TAF2: variants seen among roughly 807,000 people sequenced by gnomAD.
TAF2 encodes the protein TATA-box binding protein associated factor 2, also known as transcription initiation factor TFIID subunit 2.
A neutral mutation model predicts 138.5 loss-of-function variants in TAF2; 61 were observed. The ratio of observed to expected loss-of-function variants is 0.44; its 90% CI spans 0.36 to 0.54. The LOEUF (loss-of-function observed/expected upper bound fraction) is 0.54. Ranked by LOEUF, TAF2 falls within the 20% of genes least tolerant of loss-of-function variation. The pLI is 0.00. For synonymous variants in TAF2, 475 were observed against 469.9 expected (o/e 1.01, Z -0.14); for missense variants, 1,090 against 1,427.9 (o/e 0.76, Z 3.81).
Position 119,744,525 on chromosome 8 carries a change from T to C in TAF2, c.3109-132A>G, listed in dbSNP as rs1819821396. ...CATATAATCTTAAAATAAAAAGTAG[T>C]TTCTTTCTTCAAAGATATTAAGAGA... On this transcript the variant is annotated intron_variant, in intron 23 of 25. Transcript: ENST00000378164. 8 of 771,564 alleles carry C rather than the reference T, an allele frequency of 1.0e-5. No individual in the cohort carries two copies. In the South Asian group the frequency reaches 1.2e-4, roughly 12 times the overall value. The allele number at this position is 771,564 out of a possible 1,614,324, so 47.8% of individuals were successfully genotyped here.
At chr8:119,788,250 A>T in intron 14 of TAF2, 88 bp downstream of exon 14, 2 of 1,126,908 alleles carry the variant, frequency 1.8e-6, no homozygotes, top group Non-Finnish European at 2.7e-6. Context: ...AAAAAAAATT[A>T]GGTATACAAG....
At chr8:119,737,664 A>G (rs1425117380) in intron 25 of TAF2, among the ~76,000 whole-genome samples, 1 of 151,902 alleles carries the variant, frequency 6.6e-6, no homozygotes, top group East Asian at 1.9e-4. Flanking sequence ...GCGTACCACC[A>G]TGCCCAGCTA....
intron 20 of TAF2, chr8:119,760,345 G>A (rs1018743276): frequency 3.1e-5 from 11 of 353,686 alleles, no homozygotes; most frequent in African/African-American, 1.7e-4. Flanking sequence ...CTAAAATAAC[G>A]TCCAATTAAA....
At chr8:119,744,503 A>T (rs1819819705) in intron 23 of TAF2, 110 bp from the exon 24 acceptor site, 2 of 854,240 alleles carry the variant, frequency 2.3e-6, no homozygotes, top group Admixed American at 3.8e-5. Context: ...ATACCCCCAT[A>T]TAATCTTAAA....
intron 17 of TAF2, among the ~76,000 whole-genome samples, chr8:119,779,184 C>T (rs1822469054): frequency 6.6e-6 from 1 of 151,632 alleles, no homozygotes. Flanking sequence ...GGTATAAAAG[C>T]ACTGACTTTC....
At chr8:119,756,683 G>A (rs1247827591) in intron 21 of TAF2, among the ~76,000 whole-genome samples, 3 of 152,136 alleles carry the variant, frequency 2.0e-5, no homozygotes, top group African/African-American at 7.2e-5. Context: ...AAAACAAGCT[G>A]AGGTTGAGAA....
intron 22 of TAF2, among the ~76,000 whole-genome samples, chr8:119,755,434 T>A (rs1820637508): frequency 6.6e-6 from 1 of 151,860 alleles, no homozygotes. Flanking sequence ...GAGGTGGAGG[T>A]TGCAGTGAGC....
intron 18 of TAF2, among the ~76,000 whole-genome samples, chr8:119,769,220 A>G (rs984448571): frequency 1.3e-5 from 2 of 152,164 alleles, no homozygotes; most frequent in African/African-American, 4.8e-5. Context: ...CACAAACCCT[A>G]ATAACAGAAA....
intron 4 of TAF2, among the ~76,000 whole-genome samples, chr8:119,804,686 CTT>C (rs1352767139): frequency 2.6e-5 from 4 of 152,154 alleles, no homozygotes; most frequent in Non-Finnish European, 5.9e-5. Flanking sequence ...CATTAAACCT[CTT>C]TTTCTTCCTA....
chr8:119,759,226 T>C (rs1052769598), intron 20 of TAF2, among the ~76,000 whole-genome samples: 1 of 152,142 alleles, frequency 6.6e-6, no homozygotes, highest in African/African-American at 2.4e-5. Context: ...AAGGATATTT[T>C]AACCTTCAAT....
intron 18 of TAF2, among the ~76,000 whole-genome samples, chr8:119,774,678 A>C (rs189593243): frequency 2.0e-5 from 3 of 152,064 alleles, no homozygotes; most frequent in Non-Finnish European, 4.4e-5. Context: ...TAAAATCCCA[A>C]TCTTGGATTT....
intron 18 of TAF2, among the ~76,000 whole-genome samples, chr8:119,771,592 A>C (rs1330201260): frequency 6.6e-6 from 1 of 152,240 alleles, no homozygotes; most frequent in Non-Finnish European, 1.5e-5. Flanking sequence ...ATAGTAAAGA[A>C]AGAAAGAAGC....
chr8:119,785,379 T>G, intron 14 of TAF2, 113 bp from the exon 15 acceptor site: 1 of 714,018 alleles, frequency 1.4e-6, no homozygotes. Context: ...AAGCTATCCT[T>G]AGGAAAAATG....
chr8:119,819,245 A>T, intron 3 of TAF2, 101 bp downstream of exon 3: 1 of 1,252,546 alleles, frequency 8.0e-7, no homozygotes. Flanking sequence ...AAAGCCCATT[A>T]ACGATCCAAA....
chr8:119,821,393 T>C (rs1173414425), intron 2 of TAF2, among the ~76,000 whole-genome samples: 1 of 152,200 alleles, frequency 6.6e-6, no homozygotes, highest in Non-Finnish European at 1.5e-5. Context: ...TTTCAACCTT[T>C]TCTAAAACTC....
intron 2 of TAF2, among the ~76,000 whole-genome samples, chr8:119,827,721 G>C (rs1826190379): frequency 7.1e-6 from 1 of 140,764 alleles, no homozygotes; most frequent in African/African-American, 2.6e-5. Flanking sequence ...ACACCAAAAA[G>C]GCCATGGAAG....
intron 6 of TAF2, 81 bp downstream of exon 6, chr8:119,801,713 C>A (rs540567905): frequency 3.6e-6 from 5 of 1,371,064 alleles, no homozygotes; most frequent in Admixed American, 1.7e-5. Context: ...CAGGCATGAG[C>A]CACCGTGCCT....
At chr8:119,790,365 G>A (rs1455003551) in intron 11 of TAF2, among the ~76,000 whole-genome samples, 1 of 152,002 alleles carries the variant, frequency 6.6e-6, no homozygotes, top group East Asian at 1.9e-4. Context: ...CCTTGAGCCT[G>A]GGAGGTCAAG....
intron 10 of TAF2, 116 bp from the exon 11 acceptor site, chr8:119,791,575 T>A: frequency 8.5e-7 from 1 of 1,181,416 alleles, no homozygotes; most frequent in Middle Eastern, 2.8e-4. Flanking sequence ...ATATAAGCAA[T>A]TTCCTTAGTA....
Sources: gnomAD v4.1 joint callset for allele counts (sites outside exome capture counted in the v4.1 genomes callset) on GRCh38, gnomAD v4.1.1 for gene constraint, MANE v1.5 for transcripts, NCBI Gene and HGNC (gene_info 2026-07-23, HGNC 2026-07-21) for gene names.